IMMP2L: variants seen among roughly 807,000 people sequenced by gnomAD.
IMMP2L encodes the protein inner mitochondrial membrane peptidase subunit 2.
Under a neutral mutation model 19.3 loss-of-function variants are expected in IMMP2L, and 18 were observed. That is an observed-to-expected ratio of 0.93 (90% CI 0.64 to 1.38). The LOEUF is 1.38. Ranked by LOEUF, IMMP2L falls within the 40% of genes most tolerant of loss-of-function variation. The probability of loss-of-function intolerance (pLI) is 0.00; values close to 1 mark genes in which losing one functional copy is unlikely to be tolerated. For synonymous variants in IMMP2L, 76 were observed against 73.0 expected, an observed-to-expected ratio of 1.04 and a Z score of -0.21; for missense variants, 233 against 218.2, an observed-to-expected ratio of 1.07 and a Z score of -0.43.
At chr7:110,762,221 G>A (rs935638745) in intron 5 of IMMP2L, among the ~76,000 whole-genome samples, 1 of 152,004 alleles carries the variant, frequency 6.6e-6, no homozygotes, top group East Asian at 1.9e-4. Context: ...ATCTGGGAAA[G>A]AGACTTCTGG....
intron 1 of IMMP2L, among the ~76,000 whole-genome samples, chr7:111,560,321 C>T (rs1041775087): frequency 4.6e-5 from 7 of 152,140 alleles, no homozygotes; most frequent in Admixed American, 3.9e-4. Flanking sequence ...GCTAAATGCA[C>T]AGAAACCCAT....
At chr7:110,873,297 C>T (rs963231443) in intron 5 of IMMP2L, among the ~76,000 whole-genome samples, 1 of 151,298 alleles carries the variant, frequency 6.6e-6, no homozygotes, top group African/African-American at 2.4e-5. Context: ...GTGGCGCATG[C>T]CTGTAGTTCC....
At chr7:111,407,465 T>C (rs781228398) in intron 3 of IMMP2L, among the ~76,000 whole-genome samples, 5 of 151,878 alleles carry the variant, frequency 3.3e-5, no homozygotes, top group Admixed American at 6.6e-5. Flanking sequence ...AAAAATAATA[T>C]TCAGCAAAAA....
intron 3 of IMMP2L, among the ~76,000 whole-genome samples, chr7:111,092,880 T>G (rs939027572): frequency 6.6e-6 from 1 of 152,220 alleles, no homozygotes; most frequent in Non-Finnish European, 1.5e-5. Context: ...TTCTTTTAGT[T>G]CAACTAACCA....
intron 5 of IMMP2L, among the ~76,000 whole-genome samples, chr7:110,786,861 T>G (rs1800113146): frequency 6.6e-6 from 1 of 152,010 alleles, no homozygotes; most frequent in African/African-American, 2.4e-5. Flanking sequence ...CAGGCATTTC[T>G]CCATAACACT....
chr7:110,742,559 G>A (rs1053687463), intron 5 of IMMP2L, among the ~76,000 whole-genome samples: 2 of 152,014 alleles, frequency 1.3e-5, no homozygotes, highest in African/African-American at 2.4e-5. Flanking sequence ...ACAAGGTCTG[G>A]AGATTGAGAC....
intron 4 of IMMP2L, among the ~76,000 whole-genome samples, chr7:110,932,054 C>T (rs1815550814): frequency 6.6e-6 from 1 of 152,274 alleles, no homozygotes; most frequent in African/African-American, 2.4e-5. Flanking sequence ...GCTAGCCCCA[C>T]ACCCCCTTCT....
At chr7:111,360,680 T>C (rs1323703494) in intron 3 of IMMP2L, among the ~76,000 whole-genome samples, 2 of 151,998 alleles carry the variant, frequency 1.3e-5, no homozygotes, top group Non-Finnish European at 2.9e-5. Context: ...TAGTCAAGCA[T>C]GGTGGCACAT....
chr7:111,200,565 G>A (rs1392514669), intron 3 of IMMP2L, among the ~76,000 whole-genome samples: 2 of 151,354 alleles, frequency 1.3e-5, no homozygotes, highest in East Asian at 1.9e-4. Context: ...AATTGAGGAA[G>A]GTATTATTTC....
intron 3 of IMMP2L, among the ~76,000 whole-genome samples, chr7:111,369,327 A>G (rs562922257): frequency 1.3e-5 from 2 of 152,080 alleles, no homozygotes; most frequent in East Asian, 3.9e-4. Context: ...ATACCACAAC[A>G]TTCTCCTGAA....
chr7:111,428,829 C>T (rs923175913), intron 3 of IMMP2L, among the ~76,000 whole-genome samples: 1 of 151,842 alleles, frequency 6.6e-6, no homozygotes, highest in African/African-American at 2.4e-5. Context: ...AGAACATCTC[C>T]ATAGTTGCCG....
intron 5 of IMMP2L, among the ~76,000 whole-genome samples, chr7:110,848,477 T>TA (rs1805887984): frequency 6.6e-6 from 1 of 152,168 alleles, no homozygotes; most frequent in Non-Finnish European, 1.5e-5. Context: ...AAAATGATAG[T>TA]CACTTTAGAA....
At chr7:110,789,382 C>T (rs1449760612) in intron 5 of IMMP2L, among the ~76,000 whole-genome samples, 2 of 151,732 alleles carry the variant, frequency 1.3e-5, no homozygotes, top group Non-Finnish European at 2.9e-5. Context: ...TCTTTAGCTT[C>T]TCCCTGTTTC....
intron 3 of IMMP2L, among the ~76,000 whole-genome samples, chr7:110,964,188 T>TTA: frequency 6.6e-6 from 1 of 152,078 alleles, no homozygotes; most frequent in Non-Finnish European, 1.5e-5. Flanking sequence ...CCTCTTTTCT[T>TTA]TATAAACTAT....
At chr7:110,887,499 A>AT (rs948217707) in intron 4 of IMMP2L, among the ~76,000 whole-genome samples, 4 of 151,970 alleles carry the variant, frequency 2.6e-5, no homozygotes, top group Admixed American at 2.6e-4. Context: ...TGACTTAGTT[A>AT]TTCTACTTGT....
chr7:110,666,492 T>A (rs922008955), intron 5 of IMMP2L, among the ~76,000 whole-genome samples: 2 of 152,042 alleles, frequency 1.3e-5, no homozygotes, highest in Non-Finnish European at 2.9e-5. Context: ...GCCAGGATGG[T>A]CTTGATCTCT....
At chr7:111,174,962 C>T (rs897572158) in intron 3 of IMMP2L, among the ~76,000 whole-genome samples, 1 of 151,716 alleles carries the variant, frequency 6.6e-6, no homozygotes, top group African/African-American at 2.4e-5. Context: ...TTACAATATG[C>T]ACTTAATAAT....
At chr7:110,857,353 G>T (rs1167716082) in intron 5 of IMMP2L, among the ~76,000 whole-genome samples, 1 of 152,062 alleles carries the variant, frequency 6.6e-6, no homozygotes, top group Non-Finnish European at 1.5e-5. Context: ...GTGTGATCCT[G>T]TATAGTTCTC....
intron 1 of IMMP2L, among the ~76,000 whole-genome samples, chr7:111,539,177 AAG>A (rs1197029149): frequency 4.3e-5 from 3 of 69,048 alleles, no homozygotes; most frequent in African/African-American, 1.4e-4. Flanking sequence ...GGAAGGAAGG[AAG>A]GAAGGAAGGA....
Sources: gnomAD v4.1 joint callset for allele counts (sites outside exome capture counted in the v4.1 genomes callset) on GRCh38, gnomAD v4.1.1 for gene constraint, MANE v1.5 for transcripts, NCBI Gene and HGNC (gene_info 2026-07-23, HGNC 2026-07-21) for gene names.